ANKFN1: variants seen among roughly 807,000 people sequenced by gnomAD.
ANKFN1 encodes the protein ankyrin repeat and fibronectin type III domain containing 1.
ANKFN1 carries 74 observed loss-of-function variants against 108.7 expected under a neutral mutation model. The ratio of observed to expected loss-of-function variants is 0.68; its 90% confidence interval spans 0.56 to 0.83. ANKFN1 has a LOEUF of 0.83. Among genes scored for constraint, ANKFN1 ranks in the 40% least tolerant of loss-of-function variants. The pLI is 0.00. For missense variants in ANKFN1, 1,505 were observed against 1,382.3 expected, an observed-to-expected ratio of 1.09 and a Z score of -1.41; for synonymous variants, 547 against 516.2, an observed-to-expected ratio of 1.06 and a Z score of -0.81.
At chr17:56,380,486 G>A (rs938830377) in intron 8 of ANKFN1, among the ~76,000 whole-genome samples, 1 of 152,224 alleles carries the variant, frequency 6.6e-6, no homozygotes, top group Non-Finnish European at 1.5e-5. Flanking sequence ...ATGAGGCATT[G>A]CCTCACTCGG....
intron 6 of ANKFN1, among the ~76,000 whole-genome samples, chr17:56,372,123 G>GT (rs1331798789): frequency 2.0e-5 from 3 of 152,308 alleles, no homozygotes; most frequent in Admixed American, 1.3e-4. Flanking sequence ...CCTCTAAGAT[G>GT]TACGTACAAA....
intron 3 of ANKFN1, among the ~76,000 whole-genome samples, chr17:56,302,219 T>C (rs981655362): frequency 6.6e-6 from 1 of 152,118 alleles, no homozygotes; most frequent in African/African-American, 2.4e-5. Context: ...CAAACACAAG[T>C]CTGTTAACCT....
intron 4 of ANKFN1, among the ~76,000 whole-genome samples, chr17:56,103,386 G>T (rs576712615): frequency 6.6e-6 from 1 of 152,274 alleles, no homozygotes; most frequent in Non-Finnish European, 1.5e-5. Flanking sequence ...AAAGCCAAAG[G>T]CACTGCAGGA....
chr17:56,236,796 C>T (rs1459362641), intron 3 of ANKFN1, among the ~76,000 whole-genome samples: 1 of 152,088 alleles, frequency 6.6e-6, no homozygotes, highest in African/African-American at 2.4e-5. Context: ...TACTTTTGCA[C>T]CAACCTAATA....
chr17:56,143,701 T>C (rs1908061787), intron 4 of ANKFN1, among the ~76,000 whole-genome samples: 1 of 152,190 alleles, frequency 6.6e-6, no homozygotes, highest in Non-Finnish European at 1.5e-5. Context: ...GCATGGGCTA[T>C]AAATCCAGTG....
At chr17:56,138,517 T>C (rs1344056509) in intron 4 of ANKFN1, among the ~76,000 whole-genome samples, 4 of 151,146 alleles carry the variant, frequency 2.6e-5, no homozygotes, top group African/African-American at 7.3e-5. Flanking sequence ...CTTTTCTTTT[T>C]TTTTTTTTTT....
chr17:56,439,010 G>A (rs2049015259), intron 8 of ANKFN1, among the ~76,000 whole-genome samples: 1 of 152,172 alleles, frequency 6.6e-6, no homozygotes, highest in African/African-American at 2.4e-5. Context: ...GAGGGGAATG[G>A]TTGCACAAAG....
intron 15 of ANKFN1, 29 bp from the exon 16 acceptor site, chr17:56,477,459 T>TA: frequency 6.7e-7 from 1 of 1,503,240 alleles, no homozygotes; most frequent in Non-Finnish European, 8.9e-7. Flanking sequence ...TTTCTTGTTT[T>TA]CTTTTTTTTT....
chr17:56,440,708 C>T (rs7220133), intron 9 of ANKFN1, among the ~76,000 whole-genome samples: 121,185 of 151,948 alleles, frequency 0.8, 48,638 homozygotes, highest in East Asian at 0.97. Flanking sequence ...GTCTAATCTT[C>T]TGGGGGAAAG....
chr17:56,365,813 G>C (rs986644841), intron 6 of ANKFN1, among the ~76,000 whole-genome samples: 1 of 152,154 alleles, frequency 6.6e-6, no homozygotes. Context: ...TAAAAGTATG[G>C]CACATACAGT....
At position 56,456,861 on chromosome 17, in the gene ANKFN1, A is replaced by G. The variant is rs775426285; in HGVS notation, c.1208A>G (p.Glu403Gly). 1.2e-6 allele frequency: 2 copies of G among 1,613,722 alleles called. No individual in the cohort carries two copies. The highest frequency in any genetic ancestry group is 8.5e-7 in the Non-Finnish European group (1 of 1,179,648). ...RALHQHYSCRESTKLQTTGRK... is the reference protein window; with the variant it reads ...RALHQHYSCRGSTKLQTTGRK... ...CTGTATTTTTTAAAATACATTCCAG[A>G]AAGCACAAAATTACAAACCACAGGC... Residue 403 changes from glutamate (E) to glycine (G), a missense_variant and splice_region_variant, in exon 12 of 21, where the codon GAA becomes GGA. Coordinates refer to ENST00000682825, the MANE Select transcript of ANKFN1 (RefSeq NM_001370326.1).
intron 4 of ANKFN1, among the ~76,000 whole-genome samples, chr17:56,091,197 C>T (rs1053684248): frequency 6.6e-6 from 1 of 150,886 alleles, no homozygotes; most frequent in African/African-American, 2.4e-5. Flanking sequence ...AAGTCCTATA[C>T]CAACCCAGCA....
At chr17:56,141,703 G>T (rs924201000) in intron 4 of ANKFN1, among the ~76,000 whole-genome samples, 7 of 152,154 alleles carry the variant, frequency 4.6e-5, no homozygotes, top group Admixed American at 3.3e-4. Context: ...AATTATTTGA[G>T]CACAGCGTTC....
At chr17:56,199,584 G>A (rs1188178828) in intron 1 of ANKFN1, among the ~76,000 whole-genome samples, 1 of 151,956 alleles carries the variant, frequency 6.6e-6, no homozygotes, top group Admixed American at 6.6e-5. Flanking sequence ...CCTGGCATTT[G>A]ATTTGACTCC....
chr17:56,412,733 C>G (rs988436273), intron 8 of ANKFN1, among the ~76,000 whole-genome samples: 2 of 152,308 alleles, frequency 1.3e-5, no homozygotes, highest in Admixed American at 1.3e-4. Flanking sequence ...AGCTTACCTA[C>G]TTTTGAGGTT....
chr17:56,210,053 GATAGATAC>G (rs1405139899), intron 1 of ANKFN1, among the ~76,000 whole-genome samples: 7 of 132,518 alleles, frequency 5.3e-5, no homozygotes, highest in East Asian at 2.4e-4. Flanking sequence ...TAGATAGATA[GATAGATAC>G]ATAGATAGAT....
intron 8 of ANKFN1, among the ~76,000 whole-genome samples, chr17:56,423,812 A>T (rs2048479332): frequency 6.6e-6 from 1 of 152,292 alleles, no homozygotes; most frequent in Non-Finnish European, 1.5e-5. Flanking sequence ...TATTGTAATT[A>T]TCTGTATCTT....
intron 15 of ANKFN1, among the ~76,000 whole-genome samples, chr17:56,468,346 C>T (rs2050202765): frequency 6.6e-6 from 1 of 152,098 alleles, no homozygotes; most frequent in African/African-American, 2.4e-5. Flanking sequence ...CATGTATGCT[C>T]CTGAGTCCAG....
At chr17:56,219,373 A>G (rs1022576104) in intron 2 of ANKFN1, among the ~76,000 whole-genome samples, 1 of 151,954 alleles carries the variant, frequency 6.6e-6, no homozygotes. Context: ...CAACCTCCCA[A>G]GTAGCTGGGA....
Sources: gnomAD v4.1 joint callset for allele counts (sites outside exome capture counted in the v4.1 genomes callset) on GRCh38, gnomAD v4.1.1 for gene constraint, MANE v1.5 for transcripts, NCBI Gene and HGNC (gene_info 2026-07-23, HGNC 2026-07-21) for gene names.